The following TAFA1 variants were observed in gnomAD, a reference collection of about 807,000 sequenced individuals.
The protein encoded by TAFA1 is TAFA chemokine like family member 1, also known as chemokine-like protein TAFA-1.
Under a neutral mutation model 18.5 loss-of-function variants are expected in TAFA1, and 4 were observed. That is an observed-to-expected ratio of 0.22 (90% confidence interval 0.11 to 0.49). The LOEUF is 0.49. Ranked by LOEUF, TAFA1 falls within the 20% of genes least tolerant of loss-of-function variation. TAFA1 has a pLI of 0.98. For missense variants in TAFA1, 147 were observed against 169.0 expected (o/e 0.87, Z 0.72); for synonymous variants, 56 against 55.2 (o/e 1.01, Z -0.06).
intron 2 of TAFA1, among the ~76,000 whole-genome samples, chr3:68,308,694 A>C (rs957422994): frequency 6.6e-6 from 1 of 152,092 alleles, no homozygotes; most frequent in African/African-American, 2.4e-5. Flanking sequence ...AAATGATTTC[A>C]TCAGGAATAT....
intron 2 of TAFA1, among the ~76,000 whole-genome samples, chr3:68,228,072 G>A (rs1162537127): frequency 2.0e-5 from 3 of 152,078 alleles, no homozygotes; most frequent in African/African-American, 7.2e-5. Context: ...AGGCTGTTTC[G>A]GCAGATGCAT....
At chr3:68,294,534 G>GA (rs1291966019) in intron 2 of TAFA1, among the ~76,000 whole-genome samples, 4 of 152,184 alleles carry the variant, frequency 2.6e-5, no homozygotes, top group South Asian at 2.1e-4. Context: ...CACATTTAGA[G>GA]AAAAAAATGT....
intron 2 of TAFA1, among the ~76,000 whole-genome samples, chr3:68,348,541 G>A (rs947026536): frequency 1.3e-5 from 2 of 152,084 alleles, no homozygotes; most frequent in Non-Finnish European, 2.9e-5. Flanking sequence ...TCCTAATTTT[G>A]TTCCTGTAGA....
chr3:68,413,578 TA>T (rs2070757242), intron 2 of TAFA1, among the ~76,000 whole-genome samples: 1 of 152,170 alleles, frequency 6.6e-6, no homozygotes, highest in South Asian at 2.1e-4. Context: ...TTAAATGAAA[TA>T]TGTGTTAAAA....
At chr3:68,010,332 A>G (rs1009524040) in intron 2 of TAFA1, among the ~76,000 whole-genome samples, 12 of 152,020 alleles carry the variant, frequency 7.9e-5, no homozygotes, top group Admixed American at 7.9e-4. Flanking sequence ...GAAATAATCC[A>G]CTACATTGAC....
upstream of TAFA1, among the ~76,000 whole-genome samples, chr3:67,999,287 C>CTGTGTGTGTGTGTGTA (rs1704258384): frequency 4.1e-3 from 601 of 147,762 alleles, 4 homozygotes; most frequent in Non-Finnish European, 6.1e-3. Flanking sequence ...CCCCCTCTCT[C>CTGTGTGTGTGTGTGTA]TGTGTGTGTG....
At chr3:68,510,248 A>C (rs1267107537) in intron 3 of TAFA1, among the ~76,000 whole-genome samples, 1 of 152,136 alleles carries the variant, frequency 6.6e-6, no homozygotes. Flanking sequence ...CTGTCTTTGC[A>C]ATAGGACATA....
At chr3:67,994,842 A>G in the TAFA1 span, among the ~76,000 whole-genome samples, 1 of 152,154 alleles carries the variant, frequency 6.6e-6, no homozygotes, top group Non-Finnish European at 1.5e-5. Flanking sequence ...ACTTTTGTTC[A>G]TATGTGTGAT....
chr3:68,393,764 A>G (rs1212315034), intron 2 of TAFA1, among the ~76,000 whole-genome samples: 2 of 152,216 alleles, frequency 1.3e-5, no homozygotes, highest in African/African-American at 2.4e-5. Flanking sequence ...GACAAAAATT[A>G]CGTGATTATC....
intron 2 of TAFA1, among the ~76,000 whole-genome samples, chr3:68,371,083 A>T (rs1031396877): frequency 5.3e-5 from 8 of 152,158 alleles, no homozygotes; most frequent in African/African-American, 1.7e-4. Flanking sequence ...TGTTAAGAAA[A>T]GATTGTAATT....
At chr3:68,003,253 A>G (rs1427464937), upstream of TAFA1, among the ~76,000 whole-genome samples, 1 of 152,246 alleles carries the variant, frequency 6.6e-6, no homozygotes, top group African/African-American at 2.4e-5. Flanking sequence ...GTAACATGAG[A>G]AAACAGAATC....
chr3:68,504,267 G>C (rs2072710794), intron 3 of TAFA1, among the ~76,000 whole-genome samples: 1 of 152,124 alleles, frequency 6.6e-6, no homozygotes, highest in Non-Finnish European at 1.5e-5. Context: ...GAGCCACAGA[G>C]AAACTGCTTG....
chr3:68,500,019 T>C (rs2072629895), intron 3 of TAFA1, among the ~76,000 whole-genome samples: 1 of 152,110 alleles, frequency 6.6e-6, no homozygotes, highest in Non-Finnish European at 1.5e-5. Flanking sequence ...CCATCTGTGC[T>C]CAGTTTCCAT....
At chr3:68,208,272 C>A (rs1318813654) in intron 2 of TAFA1, among the ~76,000 whole-genome samples, 5 of 151,878 alleles carry the variant, frequency 3.3e-5, no homozygotes, top group African/African-American at 1.2e-4. Context: ...GCGTTTATAG[C>A]CTTAGAGCTC....
At chr3:68,520,140 T>C (rs2072997314) in intron 3 of TAFA1, among the ~76,000 whole-genome samples, 3 of 152,054 alleles carry the variant, frequency 2.0e-5, no homozygotes, top group Non-Finnish European at 4.4e-5. Flanking sequence ...ATGAAAATGG[T>C]TTTTGAGCTT....
chr3:68,439,973 T>G (rs1639642385), intron 3 of TAFA1, among the ~76,000 whole-genome samples: 1 of 152,102 alleles, frequency 6.6e-6, no homozygotes, highest in South Asian at 2.1e-4. Flanking sequence ...AATCCCCAAC[T>G]CAAATGCTAT....
intron 3 of TAFA1, among the ~76,000 whole-genome samples, chr3:68,501,920 A>G (rs1912854): frequency 0.22 from 32,966 of 152,062 alleles, 3,671 homozygotes; most frequent in Middle Eastern, 0.24. Context: ...AGCAGGTGCC[A>G]AGGCCCTCTG....
At chr3:68,452,522 CAAAAA>C (rs10663334) in intron 3 of TAFA1, among the ~76,000 whole-genome samples, 1 of 113,378 alleles carries the variant, frequency 8.8e-6, no homozygotes, top group Non-Finnish European at 1.8e-5. Context: ...AACTCTCTCT[CAAAAA>C]AAAAAAAAAA....
At chr3:68,330,093 T>C (rs1003146724) in intron 2 of TAFA1, among the ~76,000 whole-genome samples, 2 of 152,208 alleles carry the variant, frequency 1.3e-5, no homozygotes, top group Admixed American at 1.3e-4. Context: ...TCAGTACCAC[T>C]TATATATGTG....
Sources: gnomAD v4.1 joint callset for allele counts (sites outside exome capture counted in the v4.1 genomes callset) on GRCh38, gnomAD v4.1.1 for gene constraint, MANE v1.5 for transcripts, NCBI Gene and HGNC (gene_info 2026-07-23, HGNC 2026-07-21) for gene names.